Variants in RAB10 observed in about 807,000 individuals in gnomAD.
The protein encoded by RAB10 is ras-related protein Rab-10.
Under a neutral mutation model 25.7 loss-of-function variants are expected in RAB10, and 5 were observed. The ratio of observed to expected loss-of-function variants is 0.19; its 90% CI spans 0.10 to 0.41. RAB10 has a LOEUF of 0.41. Among genes scored for constraint, RAB10 ranks in the 10% least tolerant of loss-of-function variants. The pLI, the probability that RAB10 is intolerant of heterozygous loss-of-function variation, is 1.00. For synonymous variants in RAB10, 89 were observed against 86.4 expected (o/e 1.03, Z -0.16); for missense variants, 103 against 245.8 (o/e 0.42, Z 3.89).
At chr2:26,051,373 CCCCCCG>C (rs1666129761) in intron 1 of RAB10, among the ~76,000 whole-genome samples, 1 of 77,320 alleles carries the variant, frequency 1.3e-5, no homozygotes, top group African/African-American at 5.2e-5. Flanking sequence ...CCCCCCCCCC[CCCCCCG>C]TTTTATTGTA....
chr2:26,114,157 G>A (rs1371707936), intron 3 of RAB10, among the ~76,000 whole-genome samples: 1 of 152,144 alleles, frequency 6.6e-6, no homozygotes, highest in Non-Finnish European at 1.5e-5. Context: ...ACTACCCAAA[G>A]TGATCTACAG....
chr2:26,078,530 T>C (rs1049988159), intron 1 of RAB10, among the ~76,000 whole-genome samples: 1 of 152,182 alleles, frequency 6.6e-6, no homozygotes, highest in Non-Finnish European at 1.5e-5. Context: ...GGTCAGCTGA[T>C]TTTTGACAGG....
At chr2:26,112,372 TAGG>T (rs1667591858) in intron 3 of RAB10, among the ~76,000 whole-genome samples, 1 of 152,170 alleles carries the variant, frequency 6.6e-6, no homozygotes, top group African/African-American at 2.4e-5. Flanking sequence ...TGAAGCTAGA[TAGG>T]AGCCTTGTCA....
In RAB10 at chr2:26,075,704, C is replaced by T. The variant is rs1666718137; in HGVS notation, c.128-22958C>T. Among the ~76,000 whole-genome samples, 4 of 152,226 alleles carry T rather than the reference C, an allele frequency of 2.6e-5. No homozygotes were observed. In the South Asian group the frequency reaches 8.3e-4, roughly 32 times the overall value. On this transcript the variant is annotated intron_variant, in intron 1 of 5. Coordinates refer to ENST00000264710, the MANE Select transcript of RAB10 (RefSeq NM_016131.5). ...GTCATGACATTATGTGGGAAGTAAG[C>T]ATTATGCACTAATAAATTTGAAACA...
chr2:26,047,839 A>G (rs1559577875), intron 1 of RAB10, among the ~76,000 whole-genome samples: 1 of 147,748 alleles, frequency 6.8e-6, no homozygotes, highest in Non-Finnish European at 1.5e-5. Flanking sequence ...TTCTCCTGCC[A>G]CAGCCTCCCA....
chr2:26,131,865 T>G (rs1030383983), intron 5 of RAB10, among the ~76,000 whole-genome samples: 1 of 152,256 alleles, frequency 6.6e-6, no homozygotes, highest in Non-Finnish European at 1.5e-5. Context: ...TTACATGCTA[T>G]TCCTTTGATT....
intron 3 of RAB10, among the ~76,000 whole-genome samples, chr2:26,124,828 A>AG (rs1229832195): frequency 6.6e-6 from 1 of 152,150 alleles, no homozygotes; most frequent in African/African-American, 2.4e-5. Flanking sequence ...TGACTGTTAT[A>AG]GGTACCTCAT....
intron 2 of RAB10, among the ~76,000 whole-genome samples, chr2:26,100,659 C>T (rs1342518276): frequency 1.3e-5 from 2 of 152,036 alleles, no homozygotes; most frequent in Non-Finnish European, 2.9e-5. Context: ...AGGCAGAGAC[C>T]CCAGATTTCA....
rs141729278 is a variant in RAB10, at chr2:26,107,617, G to A, written c.189-2151G>A. Among the ~76,000 whole-genome samples the A allele has an allele frequency of 2.5e-3, 382 of 152,140 alleles. 2 individuals carry two copies. The highest frequency in any genetic ancestry group is 8.8e-3 in the African/African-American group (366 of 41,528). ...TTGAGACGAGCCTGGCCAACATGGT[G>A]AAACCCCATTTCTACTAAAAATACA... is the stretch of plus-strand genomic sequence containing the variant. On this transcript the variant is annotated intron_variant, in intron 2 of 5. Transcript: ENST00000264710.
At chr2:26,102,566 G>T (rs1667365683) in intron 2 of RAB10, among the ~76,000 whole-genome samples, 1 of 151,880 alleles carries the variant, frequency 6.6e-6, no homozygotes, top group Admixed American at 6.6e-5. Context: ...AGCCTCCTGA[G>T]CAGCTGGGAC....
At chr2:26,063,876 C>T (rs1666460980) in intron 1 of RAB10, among the ~76,000 whole-genome samples, 1 of 152,196 alleles carries the variant, frequency 6.6e-6, no homozygotes, top group Non-Finnish European at 1.5e-5. Context: ...CAGCTCGCTG[C>T]AACCTCTGCC....
chr2:26,081,397 C>T (rs1666865780), intron 1 of RAB10, among the ~76,000 whole-genome samples: 2 of 152,012 alleles, frequency 1.3e-5, no homozygotes, highest in South Asian at 4.2e-4. Context: ...GCAAACAAAC[C>T]TAAATTGAGG....
chr2:26,077,923 G>A (rs1245315220), intron 1 of RAB10, among the ~76,000 whole-genome samples: 2 of 152,034 alleles, frequency 1.3e-5, no homozygotes, highest in South Asian at 2.1e-4. Context: ...GGTTTGCAGC[G>A]AGCCAAGATC....
intron 3 of RAB10, among the ~76,000 whole-genome samples, chr2:26,122,016 C>A (rs1667811075): frequency 6.6e-6 from 1 of 152,100 alleles, no homozygotes; most frequent in Non-Finnish European, 1.5e-5. Context: ...ATACCATAAA[C>A]CTTGAATAAC....
rs1574546157 is a variant in RAB10 at position 26,088,538 on chromosome 2, A to G, written c.128-10124A>G. On this transcript the variant is annotated intron_variant, in intron 1 of 5. Transcript: ENST00000264710. ...GTAGGCTTTTCTAGCATCTCTTATT[A>G]GCTGAGCTATTGACTTTCCTCTCAT... Among the ~76,000 whole-genome samples the G allele has an allele frequency of 2.0e-5, 3 of 152,134 alleles. No homozygotes were observed. The East Asian group carries it at 5.8e-4, about 29-fold the overall frequency.
At chr2:26,095,633 G>A (rs139260160) in intron 1 of RAB10, among the ~76,000 whole-genome samples, 100 of 151,862 alleles carry the variant, frequency 6.6e-4, no homozygotes, top group Middle Eastern at 3.4e-3. Context: ...AGCTCAGGTT[G>A]GACGCAGTGG....
intron 1 of RAB10, among the ~76,000 whole-genome samples, chr2:26,045,397 G>A (rs549325138): frequency 8.4e-4 from 128 of 152,126 alleles, no homozygotes; most frequent in African/African-American, 2.9e-3. Flanking sequence ...CCGCCACCAC[G>A]CCCAGCTAAT....
chr2:26,132,009 G>A (rs1668021891), intron 5 of RAB10, among the ~76,000 whole-genome samples: 1 of 152,122 alleles, frequency 6.6e-6, no homozygotes, highest in Non-Finnish European at 1.5e-5. Context: ...ACATTTGAAG[G>A]ACAGATTCTG....
intron 1 of RAB10, among the ~76,000 whole-genome samples, chr2:26,095,469 T>C (rs1667192347): frequency 1.3e-5 from 2 of 152,026 alleles, no homozygotes; most frequent in Admixed American, 6.6e-5. Context: ...TAGCCAGGCA[T>C]GGTGGCGGAT....
Sources: allele counts gnomAD v4.1 joint callset (sites outside exome capture counted in the v4.1 genomes callset), GRCh38; gene constraint gnomAD v4.1.1; transcripts MANE v1.5; gene names NCBI Gene and HGNC (gene_info 2026-07-23, HGNC 2026-07-21).